The following LDLRAD4 variants were observed in gnomAD, a reference collection of about 807,000 sequenced individuals.
LDLRAD4 encodes low density lipoprotein receptor class A domain containing 4.
Under a neutral mutation model 17.0 loss-of-function variants are expected in LDLRAD4, and 5 were observed. The observed-to-expected ratio is 0.29, with a 90% confidence interval of 0.15 to 0.62. The LOEUF (loss-of-function observed/expected upper bound fraction) is 0.62. Among genes scored for constraint, LDLRAD4 ranks in the 20% least tolerant of loss-of-function variants. The pLI, the probability that LDLRAD4 is intolerant of heterozygous loss-of-function variation, is 0.84. For synonymous variants in LDLRAD4, 168 were observed against 171.8 expected (o/e 0.98, Z 0.17); for missense variants, 340 against 424.7 (o/e 0.80, Z 1.75).
chr18:13,634,546 A>G (rs1284433), intron 4 of LDLRAD4, among the ~76,000 whole-genome samples: 46,496 of 152,092 alleles, frequency 0.31, 11,922 homozygotes, highest in African/African-American at 0.67. Context: ...AATAGAAAGC[A>G]TTGCTGAAAG....
intron 3 of LDLRAD4, among the ~76,000 whole-genome samples, chr18:13,570,716 C>T (rs917964041): frequency 1.3e-5 from 2 of 152,268 alleles, no homozygotes; most frequent in African/African-American, 4.8e-5. Context: ...AGGGCGAGCT[C>T]CACCTTGGTG....
intron 1 of LDLRAD4, among the ~76,000 whole-genome samples, chr18:13,223,125 C>T (rs914488938): frequency 6.6e-6 from 1 of 152,180 alleles, no homozygotes; most frequent in African/African-American, 2.4e-5. Context: ...TGTTACAAAG[C>T]CACCTCATAC....
chr18:13,605,037 T>C (rs1200541993), intron 3 of LDLRAD4, among the ~76,000 whole-genome samples: 3 of 152,150 alleles, frequency 2.0e-5, no homozygotes, highest in Admixed American at 6.5e-5. Flanking sequence ...GCCAGGCTCA[T>C]AGGGACGGAG....
upstream of LDLRAD4, among the ~76,000 whole-genome samples, chr18:13,274,308 G>A: frequency 6.6e-6 from 1 of 152,202 alleles, no homozygotes; most frequent in South Asian, 2.1e-4. Context: ...GTAACCTGGA[G>A]CCGTTGATCT....
At chr18:13,627,948 G>A (rs904821805) in intron 4 of LDLRAD4, among the ~76,000 whole-genome samples, 1 of 152,184 alleles carries the variant, frequency 6.6e-6, no homozygotes, top group Non-Finnish European at 1.5e-5. Flanking sequence ...CATATGTGAC[G>A]AGTGCCTTTC....
At chr18:13,411,788 A>G (rs560933533) in intron 2 of LDLRAD4, among the ~76,000 whole-genome samples, 1 of 152,294 alleles carries the variant, frequency 6.6e-6, no homozygotes, top group East Asian at 1.9e-4. Context: ...AGAATAATAC[A>G]GATACTTTTG....
At chr18:13,366,966 C>T (rs1163012893) in intron 1 of LDLRAD4, among the ~76,000 whole-genome samples, 2 of 152,218 alleles carry the variant, frequency 1.3e-5, no homozygotes, top group Admixed American at 6.5e-5. Flanking sequence ...TAAATAAATA[C>T]ATAAAACTAG....
At chr18:13,324,303 A>G (rs1246079332) in intron 1 of LDLRAD4, among the ~76,000 whole-genome samples, 1 of 131,816 alleles carries the variant, frequency 7.6e-6, no homozygotes, top group African/African-American at 3.2e-5. Context: ...ACACCTGGCT[A>G]ATTTTTCGTA....
At chr18:13,386,128 C>T (rs1163737538) in intron 1 of LDLRAD4, among the ~76,000 whole-genome samples, 2 of 152,022 alleles carry the variant, frequency 1.3e-5, no homozygotes, top group Non-Finnish European at 2.9e-5. Context: ...AGTTCTTTTT[C>T]TTTAGTTTGA....
intron 1 of LDLRAD4, among the ~76,000 whole-genome samples, chr18:13,314,898 T>C (rs926396925): frequency 1.3e-5 from 2 of 152,080 alleles, no homozygotes; most frequent in South Asian, 4.1e-4. Flanking sequence ...ATTATTATTA[T>C]TGTTGTTGTT....
At chr18:13,404,045 C>G (rs2087480136) in intron 2 of LDLRAD4, among the ~76,000 whole-genome samples, 1 of 152,222 alleles carries the variant, frequency 6.6e-6, no homozygotes, top group Non-Finnish European at 1.5e-5. Context: ...ACCCTGTCCC[C>G]CAGTGGCTAG....
At chr18:13,279,349 A>C (rs2146240744) in intron 1 of LDLRAD4, 1 of 152,254 alleles carries the variant, frequency 6.6e-6, no homozygotes, top group East Asian at 1.9e-4. Flanking sequence ...ATCGTTTGGC[A>C]CACCCACCGC....
At chr18:13,546,588 GT>G (rs557375107) in intron 3 of LDLRAD4, among the ~76,000 whole-genome samples, 8 of 149,350 alleles carry the variant, frequency 5.4e-5, no homozygotes, top group South Asian at 2.1e-4. Flanking sequence ...AGCCTGGGTG[GT>G]TTTTTTTTTA....
rs560802431 is a variant in LDLRAD4 at position 13,596,391 on chromosome 18, C to G, written c.182-24726C>G. Among the ~76,000 whole-genome samples the G allele has an allele frequency of 3.3e-5, 5 of 152,182 alleles. No individual in the cohort carries two copies. In the East Asian group the frequency reaches 9.6e-4, roughly 29 times the overall value. On this transcript the variant is annotated intron_variant, in intron 3 of 5. Coordinates refer to ENST00000359446, the Ensembl canonical transcript of LDLRAD4. ...ATGTAGTTTGATTGGCATTTACCAC[C>G]TTACTTTTTGTTTCCTATATGTCTC... is the stretch of plus-strand genomic sequence containing the variant.
At chr18:13,512,774 A>G (rs897989772) in intron 3 of LDLRAD4, among the ~76,000 whole-genome samples, 5 of 152,236 alleles carry the variant, frequency 3.3e-5, no homozygotes, top group Non-Finnish European at 7.3e-5. Flanking sequence ...TGGGATAACT[A>G]GGTTCCGATA....
chr18:13,610,834 A>T (rs1002616121), intron 3 of LDLRAD4, among the ~76,000 whole-genome samples: 1 of 151,960 alleles, frequency 6.6e-6, no homozygotes, highest in African/African-American at 2.4e-5. Context: ...CTCTTCATTC[A>T]CCCAGCAGGG....
chr18:13,435,387 ACTCTGAT>A (rs757492128), intron 2 of LDLRAD4, among the ~76,000 whole-genome samples: 8 of 152,130 alleles, frequency 5.3e-5, no homozygotes, highest in Non-Finnish European at 1.0e-4. Context: ...GAAAGACCTT[ACTCTGAT>A]ATTGGGCTAA....
chr18:13,407,414 A>G (rs1422710210), intron 2 of LDLRAD4, among the ~76,000 whole-genome samples: 2 of 152,262 alleles, frequency 1.3e-5, no homozygotes, highest in African/African-American at 2.4e-5. Flanking sequence ...CTTAGGCGCT[A>G]TGTTAGCACC....
chr18:13,253,528 C>T (rs184851985), intron 1 of LDLRAD4, among the ~76,000 whole-genome samples: 1 of 152,216 alleles, frequency 6.6e-6, no homozygotes, highest in African/African-American at 2.4e-5. Context: ...TACTTGTGGG[C>T]AGGGCCCCTT....
Sources: allele counts gnomAD v4.1 joint callset (sites outside exome capture counted in the v4.1 genomes callset), GRCh38; gene constraint gnomAD v4.1.1; transcripts MANE v1.5; gene names NCBI Gene and HGNC (gene_info 2026-07-23, HGNC 2026-07-21).